The following CLSTN2 variants were observed in gnomAD, a reference collection of about 807,000 sequenced individuals.
The protein encoded by CLSTN2 is calsyntenin 2, also known as calsyntenin-2.
In CLSTN2, 48 loss-of-function variants were observed where a neutral mutation model predicts 101.2. That is an observed-to-expected ratio of 0.47 (90% CI 0.38 to 0.60). The LOEUF is 0.60. CLSTN2 is among the 20% of genes least tolerant of loss of function. The pLI is 0.00. For synonymous variants in CLSTN2, 481 were observed against 463.6 expected (o/e 1.04, Z -0.48); for missense variants, 1,160 against 1,238.2 (o/e 0.94, Z 0.95).
At chr3:140,522,143 G>A (rs1437214875) in intron 8 of CLSTN2, among the ~76,000 whole-genome samples, 1 of 152,190 alleles carries the variant, frequency 6.6e-6, no homozygotes, top group Non-Finnish European at 1.5e-5. Context: ...GCTTCCTTTG[G>A]CTTCATGCTG....
chr3:140,048,739 C>T (rs2107767248), intron 1 of CLSTN2, among the ~76,000 whole-genome samples: 1 of 152,214 alleles, frequency 6.6e-6, no homozygotes, highest in South Asian at 2.1e-4. Context: ...TTAAAAGCCT[C>T]AGGGCAAGCT....
intron 2 of CLSTN2, among the ~76,000 whole-genome samples, chr3:140,320,253 TG>T (rs1417232245): frequency 1.3e-5 from 2 of 152,152 alleles, no homozygotes; most frequent in African/African-American, 4.8e-5. Context: ...CTCTGGGCAC[TG>T]GGGGGCCTTG....
At chr3:140,110,976 A>G (rs185255282) in intron 1 of CLSTN2, among the ~76,000 whole-genome samples, 6 of 152,268 alleles carry the variant, frequency 3.9e-5, no homozygotes, top group Non-Finnish European at 7.4e-5. Context: ...TAGCTTGTCC[A>G]GATTGTACTC....
intron 1 of CLSTN2, among the ~76,000 whole-genome samples, chr3:140,046,536 G>A (rs995614058): frequency 3.3e-5 from 5 of 152,178 alleles, no homozygotes; most frequent in Non-Finnish European, 7.3e-5. Flanking sequence ...ATTGTCATGT[G>A]TGAATTTGAT....
intron 2 of CLSTN2, among the ~76,000 whole-genome samples, chr3:140,338,349 G>A (rs555553136): frequency 6.6e-5 from 10 of 152,246 alleles, no homozygotes; most frequent in African/African-American, 2.4e-4. Flanking sequence ...CTGTGATGCC[G>A]TAGCTCTTAG....
chr3:139,989,718 A>G (rs570389936), intron 1 of CLSTN2, among the ~76,000 whole-genome samples: 73 of 152,318 alleles, frequency 4.8e-4, no homozygotes, highest in African/African-American at 1.7e-3. Flanking sequence ...TCAAATGGCA[A>G]GCACCTCTAC....
At chr3:140,109,748 A>G (rs1220613323) in intron 1 of CLSTN2, among the ~76,000 whole-genome samples, 1 of 152,184 alleles carries the variant, frequency 6.6e-6, no homozygotes, top group Non-Finnish European at 1.5e-5. Flanking sequence ...TGGCACAGAG[A>G]CAGGACCAAA....
chr3:140,324,340 C>G (rs575950231), intron 2 of CLSTN2, among the ~76,000 whole-genome samples: 1 of 152,178 alleles, frequency 6.6e-6, no homozygotes, highest in Non-Finnish European at 1.5e-5. Context: ...TTGTACCCCT[C>G]TAGTTCTAGA....
intron 1 of CLSTN2, among the ~76,000 whole-genome samples, chr3:140,090,034 G>A (rs1163031643): frequency 7.0e-6 from 1 of 143,876 alleles, no homozygotes; most frequent in Non-Finnish European, 1.5e-5. Flanking sequence ...TTAGGGTGAG[G>A]GGGCTTATTA....
rs184617548 is a variant in CLSTN2 at position 140,296,243 on chromosome 3, T to G, written c.233-107386T>G. On this transcript the variant is annotated intron_variant, in intron 2 of 16. Transcript: ENST00000458420. ...CACATATTTATTCTTGAAGATGATC[T>G]TTAGAATCACTATGTCAGTTCCCTG... Among the ~76,000 whole-genome samples the G allele has an allele frequency of 1.8e-3, 280 of 152,342 alleles. 1 individual carries two copies. The highest frequency in any genetic ancestry group is 6.0e-3 in the African/African-American group (248 of 41,580).
chr3:140,464,569 T>C (rs1442519268), intron 7 of CLSTN2, among the ~76,000 whole-genome samples: 1 of 151,964 alleles, frequency 6.6e-6, no homozygotes, highest in African/African-American at 2.4e-5. Context: ...AGAAAGGGAG[T>C]AGAAGGAGGA....
At chr3:140,539,447 G>A (rs149779295) in intron 9 of CLSTN2, among the ~76,000 whole-genome samples, 11 of 152,300 alleles carry the variant, frequency 7.2e-5, no homozygotes, top group Middle Eastern at 3.4e-3. Flanking sequence ...TGGAAACAGA[G>A]TATCACTGAG....
In CLSTN2 at chr3:140,132,512, T is replaced by A. The variant is rs574040860; in HGVS notation, c.110-43439T>A. ...GACCACGGGCTTTAGTGGACCCAAT[T>A]TTTTGTCCAGGCTCTGCCACTTTCC... is the stretch of plus-strand genomic sequence containing the variant. On this transcript the variant is annotated intron_variant, in intron 1 of 16. Coordinates refer to ENST00000458420, the MANE Select transcript of CLSTN2 (RefSeq NM_022131.3). 7.2e-4 allele frequency among the ~76,000 whole-genome samples: 109 copies of A among 152,256 alleles called. No homozygotes were observed. In the South Asian group the frequency reaches 8.3e-3, roughly 12 times the overall value.
chr3:140,373,148 G>A (rs897167494), intron 2 of CLSTN2, among the ~76,000 whole-genome samples: 8 of 152,142 alleles, frequency 5.3e-5, no homozygotes, highest in African/African-American at 1.4e-4. Context: ...TTTTTAACTC[G>A]GTATTTTCCA....
chr3:140,012,913 C>G (rs1235380450), intron 1 of CLSTN2, among the ~76,000 whole-genome samples: 1 of 139,126 alleles, frequency 7.2e-6, no homozygotes, highest in Non-Finnish European at 1.6e-5. Flanking sequence ...GGAAATGCAG[C>G]TTGGAGGTAT....
At chr3:140,143,560 A>C (rs1314060986) in intron 1 of CLSTN2, among the ~76,000 whole-genome samples, 4 of 152,188 alleles carry the variant, frequency 2.6e-5, no homozygotes, top group Non-Finnish European at 5.9e-5. Flanking sequence ...CCCAGAAATA[A>C]TGGTTTACGA....
intron 2 of CLSTN2, among the ~76,000 whole-genome samples, chr3:140,252,134 G>A (rs1206740728): frequency 2.0e-5 from 3 of 152,092 alleles, no homozygotes; most frequent in African/African-American, 7.2e-5. Flanking sequence ...AGTGAGGGGA[G>A]CAGCAAGAGA....
At chr3:140,184,905 C>T (rs2010465038) in intron 2 of CLSTN2, among the ~76,000 whole-genome samples, 1 of 152,084 alleles carries the variant, frequency 6.6e-6, no homozygotes, top group African/African-American at 2.4e-5. Flanking sequence ...CACATATACA[C>T]CATGGGAAGG....
intron 1 of CLSTN2, among the ~76,000 whole-genome samples, chr3:139,938,262 G>C (rs1216269445): frequency 6.6e-6 from 1 of 152,022 alleles, no homozygotes; most frequent in Non-Finnish European, 1.5e-5. Context: ...CAAGCTTTCT[G>C]ACAGAGTTGA....
Sources: gnomAD v4.1 joint callset for allele counts (sites outside exome capture counted in the v4.1 genomes callset) on GRCh38, gnomAD v4.1.1 for gene constraint, MANE v1.5 for transcripts, NCBI Gene and HGNC (gene_info 2026-07-23, HGNC 2026-07-21) for gene names.